MAP2: variants seen among roughly 807,000 people sequenced by gnomAD.
The protein encoded by MAP2 is microtubule-associated protein 2.
A neutral mutation model predicts 137.6 loss-of-function variants in MAP2; 14 were observed. That is an observed-to-expected ratio of 0.10 (90% confidence interval 0.07 to 0.16). MAP2 has a LOEUF of 0.16. Ranked by LOEUF, MAP2 falls within the 10% of genes least tolerant of loss-of-function variation. The pLI is 1.00. For missense variants in MAP2, 2,088 were observed against 2,191.5 expected (o/e 0.95, Z 0.94); for synonymous variants, 786 against 782.3 (o/e 1.00, Z -0.08).
intron 13 of MAP2, chr2:209,710,605 C>A (rs938200342): frequency 1.1e-5 from 2 of 186,346 alleles, no homozygotes; most frequent in African/African-American, 4.8e-5. Context: ...TAGTTTCTGA[C>A]CATGAGCTCA....
intron 4 of MAP2, among the ~76,000 whole-genome samples, chr2:209,642,138 T>G (rs1011207108): frequency 2.6e-5 from 4 of 152,006 alleles, no homozygotes; most frequent in Non-Finnish European, 4.4e-5. Context: ...TGCTGAAAAT[T>G]TTCAAATAAA....
intron 4 of MAP2, among the ~76,000 whole-genome samples, chr2:209,638,377 T>C (rs1010368565): frequency 6.6e-6 from 1 of 152,086 alleles, no homozygotes; most frequent in South Asian, 2.1e-4. Context: ...TCAACTGATA[T>C]CATGAATAAG....
chr2:209,682,796 A>G (rs527415056), intron 7 of MAP2, among the ~76,000 whole-genome samples: 2 of 152,258 alleles, frequency 1.3e-5, no homozygotes, highest in South Asian at 4.1e-4. Flanking sequence ...GAAAGGGTAG[A>G]GCAGTGGAGT....
intron 1 of MAP2, among the ~76,000 whole-genome samples, chr2:209,439,795 C>T (rs566633640): frequency 5.5e-4 from 84 of 151,358 alleles, no homozygotes; most frequent in African/African-American, 1.9e-3. Flanking sequence ...AATTTTAAGT[C>T]GATGTTATGT....
chr2:209,678,766 G>A, intron 6 of MAP2, 81 bp downstream of exon 6: 5 of 721,862 alleles, frequency 6.9e-6, no homozygotes, highest in Non-Finnish European at 1.1e-5. Context: ...TCAAAAGATA[G>A]GCCATATCTT....
At chr2:209,526,955 T>C (rs1333817287) in intron 2 of MAP2, among the ~76,000 whole-genome samples, 1 of 152,106 alleles carries the variant, frequency 6.6e-6, no homozygotes. Flanking sequence ...TACTTTTTCT[T>C]CTCTCCCAGA....
chr2:209,496,981 C>G (rs992000835), intron 1 of MAP2, among the ~76,000 whole-genome samples: 2 of 152,060 alleles, frequency 1.3e-5, no homozygotes, highest in Non-Finnish European at 2.9e-5. Flanking sequence ...AGTGGTCTCT[C>G]TATGTCGCTT....
intron 2 of MAP2, among the ~76,000 whole-genome samples, chr2:209,556,584 C>T (rs1290786172): frequency 6.7e-6 from 1 of 149,826 alleles, no homozygotes; most frequent in Admixed American, 6.7e-5. Context: ...GAGGCCTAAA[C>T]ATGGGTGCCA....
chr2:209,528,307 A>G (rs2064415391), intron 2 of MAP2, among the ~76,000 whole-genome samples: 1 of 152,198 alleles, frequency 6.6e-6, no homozygotes, highest in African/African-American at 2.4e-5. Flanking sequence ...ATGTAAAGCT[A>G]AAAATTAAAC....
chr2:209,535,629 A>T (rs2065846249), intron 2 of MAP2, among the ~76,000 whole-genome samples: 1 of 152,040 alleles, frequency 6.6e-6, no homozygotes, highest in Non-Finnish European at 1.5e-5. Context: ...AAAACAAACA[A>T]TTAGAAAACA....
chr2:209,536,624 T>C (rs2065985852), intron 2 of MAP2, among the ~76,000 whole-genome samples: 1 of 152,184 alleles, frequency 6.6e-6, no homozygotes, highest in African/African-American at 2.4e-5. Flanking sequence ...ACAGAAGCCT[T>C]GTCTGTGTCT....
At chr2:209,523,282 C>T (rs996710689) in intron 2 of MAP2, among the ~76,000 whole-genome samples, 12 of 152,112 alleles carry the variant, frequency 7.9e-5, no homozygotes, top group Admixed American at 2.6e-4. Context: ...TAATTAGATT[C>T]CTAGTTGTTG....
At chr2:209,598,837 C>T (rs1231631728) in intron 3 of MAP2, among the ~76,000 whole-genome samples, 2 of 150,478 alleles carry the variant, frequency 1.3e-5, no homozygotes, top group Non-Finnish European at 3.0e-5. Flanking sequence ...TTTCTTAATC[C>T]AGTCTATCAT....
intron 2 of MAP2, among the ~76,000 whole-genome samples, chr2:209,509,884 T>G (rs979230236): frequency 1.3e-5 from 2 of 151,990 alleles, no homozygotes; most frequent in African/African-American, 4.8e-5. Context: ...TATGTAAAAT[T>G]AAGTGATGCT....
intron 1 of MAP2, among the ~76,000 whole-genome samples, chr2:209,451,575 C>G (rs1211646212): frequency 6.6e-6 from 1 of 152,158 alleles, no homozygotes; most frequent in Non-Finnish European, 1.5e-5. Context: ...CTGGCTGTTG[C>G]AACATCCCTC....
At chr2:209,718,521 C>A (rs565673823) in intron 13 of MAP2, among the ~76,000 whole-genome samples, 2 of 151,974 alleles carry the variant, frequency 1.3e-5, no homozygotes, top group Non-Finnish European at 2.9e-5. Context: ...TTTACAAATA[C>A]GTAAAAATGG....
chr2:209,669,819 C>T (rs1165766858), intron 5 of MAP2, among the ~76,000 whole-genome samples: 1 of 151,648 alleles, frequency 6.6e-6, no homozygotes, highest in Non-Finnish European at 1.5e-5. Flanking sequence ...AATTGCTTTT[C>T]CACAAACCCA....
At chr2:209,724,585 GA>G (rs1203962921) in intron 13 of MAP2, among the ~76,000 whole-genome samples, 2 of 115,240 alleles carry the variant, frequency 1.7e-5, no homozygotes, top group African/African-American at 7.6e-5. Context: ...AAGCAGTGAA[GA>G]GAGAGAGAGA....
chr2:209,661,597 G>T (rs1485103007), intron 5 of MAP2: 2 of 985,318 alleles, frequency 2.0e-6, no homozygotes, highest in African/African-American at 3.5e-5. Flanking sequence ...GATCTTTTCA[G>T]TGTTTTCCTT....
Sources: allele counts gnomAD v4.1 joint callset (sites outside exome capture counted in the v4.1 genomes callset), GRCh38; gene constraint gnomAD v4.1.1; transcripts MANE v1.5; gene names NCBI Gene and HGNC (gene_info 2026-07-23, HGNC 2026-07-21).